The following PRR16 variants were observed in gnomAD, a reference collection of about 807,000 sequenced individuals.
The protein encoded by PRR16 is protein Largen.
Under a neutral mutation model 18.2 loss-of-function variants are expected in PRR16, and 6 were observed. The observed-to-expected ratio is 0.33, with a 90% CI of 0.18 to 0.65. The LOEUF is 0.65. Ranked by LOEUF, PRR16 falls within the 30% of genes least tolerant of loss-of-function variation. PRR16 has a pLI of 0.74. For missense variants in PRR16, 412 were observed against 376.6 expected, an observed-to-expected ratio of 1.09 and a Z score of -0.78; for synonymous variants, 151 against 147.8, an observed-to-expected ratio of 1.02 and a Z score of -0.16.
chr5:120,734,378 C>T, the PRR16 span, among the ~76,000 whole-genome samples: 2 of 152,062 alleles, frequency 1.3e-5, no homozygotes, highest in East Asian at 1.9e-4. Context: ...CATGTTTATT[C>T]GTTACAGTTT....
intron 1 of PRR16, among the ~76,000 whole-genome samples, chr5:120,637,888 A>G (rs967465395): frequency 3.3e-5 from 5 of 152,134 alleles, no homozygotes; most frequent in African/African-American, 1.2e-4. Context: ...TGAATTCCTT[A>G]AAGGTGTTGG....
At chr5:120,626,287 A>C (rs1561580539) in intron 1 of PRR16, among the ~76,000 whole-genome samples, 1 of 152,158 alleles carries the variant, frequency 6.6e-6, no homozygotes, top group Non-Finnish European at 1.5e-5. Context: ...TGAAAAGTAA[A>C]CAACTGCTGA....
At chr5:120,767,726 C>T in the PRR16 span, among the ~76,000 whole-genome samples, 1 of 151,740 alleles carries the variant, frequency 6.6e-6, no homozygotes, top group Non-Finnish European at 1.5e-5. Flanking sequence ...TAAAAAGGCA[C>T]TATTTAAAGA....
chr5:120,544,942 G>A (rs746281378), intron 1 of PRR16, among the ~76,000 whole-genome samples: 8 of 152,088 alleles, frequency 5.3e-5, no homozygotes, highest in Non-Finnish European at 1.2e-4. Context: ...TCTCACAAGT[G>A]ATTTTCTCAG....
At chr5:120,562,199 G>T (rs888848220) in intron 1 of PRR16, among the ~76,000 whole-genome samples, 2 of 151,932 alleles carry the variant, frequency 1.3e-5, no homozygotes, top group African/African-American at 4.8e-5. Context: ...ATTGTATTCT[G>T]TTGCTGGATC....
chr5:120,712,508 A>C, the PRR16 span, among the ~76,000 whole-genome samples: 1 of 152,140 alleles, frequency 6.6e-6, no homozygotes, highest in Non-Finnish European at 1.5e-5. Flanking sequence ...ATCAACAAAA[A>C]GAAGGGGAAC....
intron 1 of PRR16, among the ~76,000 whole-genome samples, chr5:120,538,385 A>G (rs908440047): frequency 6.6e-6 from 1 of 152,184 alleles, no homozygotes; most frequent in Non-Finnish European, 1.5e-5. Flanking sequence ...TTGCAACCAA[A>G]ATGGAATCCA....
At chr5:120,714,986 TG>T in the PRR16 span, among the ~76,000 whole-genome samples, 89 of 151,990 alleles carry the variant, frequency 5.9e-4, 1 homozygote, top group African/African-American at 1.9e-3. Context: ...CAGGGCCTGT[TG>T]GTGGTGGGGG....
At chr5:120,467,399 A>G (rs1295417845) in intron 1 of PRR16, among the ~76,000 whole-genome samples, 1 of 152,044 alleles carries the variant, frequency 6.6e-6, no homozygotes, top group Non-Finnish European at 1.5e-5. Context: ...TATAGTATTT[A>G]TTTTTTCTTT....
chr5:120,625,805 G>C (rs1044715840), intron 1 of PRR16, among the ~76,000 whole-genome samples: 1 of 139,346 alleles, frequency 7.2e-6, no homozygotes. Context: ...ATGTATTTAC[G>C]TGATGATCTG....
At chr5:120,505,865 C>T (rs1000454576) in intron 1 of PRR16, among the ~76,000 whole-genome samples, 2 of 151,442 alleles carry the variant, frequency 1.3e-5, no homozygotes, top group Admixed American at 6.6e-5. Flanking sequence ...TATATACACA[C>T]ACGCGTATAC....
chr5:120,727,250 C>G, the PRR16 span, among the ~76,000 whole-genome samples: 2 of 152,108 alleles, frequency 1.3e-5, no homozygotes. Context: ...CTCCCTTTGC[C>G]TTACATGTTG....
the PRR16 span, among the ~76,000 whole-genome samples, chr5:120,718,895 C>G: frequency 3.9e-5 from 6 of 152,094 alleles, no homozygotes; most frequent in East Asian, 1.2e-3. Flanking sequence ...ACAATGCATA[C>G]CACTAATAGA....
In PRR16 at chr5:120,686,955, A is replaced by G. The variant is rs540831136; in HGVS notation, c.*246A>G. On this transcript the variant is annotated 3_prime_UTR_variant, in exon 2 of 2. Transcript: ENST00000407149. ...ATATGAATGATGCATTGTTTTTGCA[A>G]TTGACCTATGACAAACTGTGAACCT... 7.0e-5 allele frequency: 22 copies of G among 312,252 alleles called. No homozygotes were observed. The highest frequency in any genetic ancestry group is 4.3e-4 in the African/African-American group (20 of 46,716). The allele number at this position is 312,252 out of a possible 1,614,324, so 19.3% of individuals were successfully genotyped here.
intron 1 of PRR16, among the ~76,000 whole-genome samples, chr5:120,500,785 C>T (rs1362642336): frequency 2.0e-5 from 3 of 152,096 alleles, no homozygotes; most frequent in African/African-American, 7.2e-5. Context: ...GTTTTATTTT[C>T]TGTTATTAAA....
chr5:120,684,592 C>A (rs922634295), intron 1 of PRR16, among the ~76,000 whole-genome samples: 2 of 152,170 alleles, frequency 1.3e-5, no homozygotes, highest in African/African-American at 4.8e-5. Context: ...ATGTGTATAA[C>A]AGTGCAGGTA....
At chr5:120,488,121 T>C (rs1286548100) in intron 1 of PRR16, among the ~76,000 whole-genome samples, 1 of 152,234 alleles carries the variant, frequency 6.6e-6, no homozygotes, top group Non-Finnish European at 1.5e-5. Context: ...TTTTTTGTTA[T>C]GTCTCTGCCC....
intron 1 of PRR16, among the ~76,000 whole-genome samples, chr5:120,612,319 G>A (rs1355078315): frequency 6.6e-6 from 1 of 152,154 alleles, no homozygotes; most frequent in East Asian, 1.9e-4. Flanking sequence ...CTGTTGGGAA[G>A]GCATGATTGG....
At chr5:120,671,046 C>G (rs1457947543) in intron 1 of PRR16, among the ~76,000 whole-genome samples, 2 of 152,098 alleles carry the variant, frequency 1.3e-5, no homozygotes, top group Admixed American at 6.6e-5. Flanking sequence ...CTTTCCCTTT[C>G]TGTCTTTACA....
Sources: gnomAD v4.1 joint callset for allele counts (sites outside exome capture counted in the v4.1 genomes callset) on GRCh38, gnomAD v4.1.1 for gene constraint, MANE v1.5 for transcripts, NCBI Gene and HGNC (gene_info 2026-07-23, HGNC 2026-07-21) for gene names.